Variants in ZNF33A observed in about 807,000 individuals in gnomAD.
ZNF33A encodes the protein brain my041 protein.
ZNF33A carries 9 observed loss-of-function variants against 15.9 expected under a neutral mutation model. The observed-to-expected ratio is 0.57, with a 90% CI of 0.34 to 0.99. ZNF33A has a LOEUF of 0.99. Among genes scored for constraint, ZNF33A ranks in the 50% least tolerant of loss-of-function variants. The pLI is 0.02. For synonymous variants in ZNF33A, 294 were observed against 324.2 expected (o/e 0.91, Z 1.00); for missense variants, 843 against 941.6 (o/e 0.90, Z 1.37).
chr10:38,020,043 A>G (rs1189415759), intron 4 of ZNF33A, among the ~76,000 whole-genome samples: 4 of 152,206 alleles, frequency 2.6e-5, no homozygotes, highest in African/African-American at 7.2e-5. Flanking sequence ...TGAGAATACT[A>G]TAAAATGTGA....
intron 2 of ZNF33A, among the ~76,000 whole-genome samples, chr10:38,013,170 G>C (rs765990496): frequency 1.4e-5 from 2 of 146,786 alleles, no homozygotes; most frequent in Non-Finnish European, 3.0e-5. Context: ...GAGTACAGTG[G>C]CGCGATCTTG....
upstream of ZNF33A, chr10:38,010,627 G>A (rs1564825478): frequency 2.2e-6 from 3 of 1,352,558 alleles, no homozygotes; most frequent in African/African-American, 1.4e-5. Context: ...ACAGCATCAA[G>A]CTGTGCGCGT....
intron 4 of ZNF33A, chr10:38,017,686 T>C (rs1251786009): frequency 1.3e-5 from 3 of 224,504 alleles, no homozygotes; most frequent in Admixed American, 5.2e-5. Context: ...CCAAGCACTT[T>C]CAGTGTCCTA....
chr10:38,017,149 A>G (rs1304024366), intron 3 of ZNF33A, 134 bp downstream of exon 3: 1 of 1,424,134 alleles, frequency 7.0e-7, no homozygotes, highest in African/African-American at 1.4e-5. Context: ...ATCACCTCTG[A>G]GTACCAGAAG....
intron 4 of ZNF33A, among the ~76,000 whole-genome samples, chr10:38,038,117 T>C (rs2065533644): frequency 6.6e-6 from 1 of 152,198 alleles, no homozygotes; most frequent in Admixed American, 6.5e-5. Flanking sequence ...GATGCTATTG[T>C]ATATGGAATT....
At chr10:38,052,357 C>T (rs1488440113) in intron 4 of ZNF33A, among the ~76,000 whole-genome samples, 1 of 151,942 alleles carries the variant, frequency 6.6e-6, no homozygotes, top group Non-Finnish European at 1.5e-5. Flanking sequence ...TTTAAAAGTT[C>T]CATTTGCAAT....
chr10:38,047,350 C>A (rs571298064), intron 4 of ZNF33A, among the ~76,000 whole-genome samples: 7 of 151,752 alleles, frequency 4.6e-5, no homozygotes, highest in African/African-American at 1.5e-4. Flanking sequence ...AGCCCTTGGG[C>A]TGGGTGTGGT....
chr10:38,041,649 C>T (rs796999690), intron 4 of ZNF33A, among the ~76,000 whole-genome samples: 4 of 152,214 alleles, frequency 2.6e-5, no homozygotes, highest in South Asian at 4.1e-4. Flanking sequence ...ACATGCTCAA[C>T]ATGCTAGAAG....
downstream of ZNF33A, chr10:38,064,353 G>A (rs1363405819): frequency 6.3e-6 from 3 of 474,654 alleles, no homozygotes; most frequent in African/African-American, 4.0e-5. Context: ...GGCACTGCTG[G>A]GGACTCACCT....
downstream of ZNF33A, among the ~76,000 whole-genome samples, chr10:38,065,543 A>G (rs1195693367): frequency 1.3e-5 from 2 of 152,240 alleles, no homozygotes; most frequent in African/African-American, 2.4e-5. Context: ...CGATCAGGAA[A>G]GAAAGCTTAA....
rs554825700 is a variant in ZNF33A, at chr10:38,042,259, A to G, written c.251-12116A>G. 2.0e-5 allele frequency among the ~76,000 whole-genome samples: 3 copies of G among 151,114 alleles called. 1 individual carries two copies. The Middle Eastern group carries it at 0.01, about 518-fold the overall frequency. On this transcript the variant is annotated intron_variant, in intron 4 of 4. Coordinates refer to ENST00000432900, the MANE Select transcript of ZNF33A (RefSeq NM_006954.2). ...GAGTGCAGTGGCACCATCTGGGCTC[A>G]CTGTAACCTCCTGCCTCCTGGGTTC... is the stretch of plus-strand genomic sequence containing the variant.
intron 2 of ZNF33A, among the ~76,000 whole-genome samples, chr10:38,015,076 T>C (rs2064386132): frequency 6.6e-6 from 1 of 152,040 alleles, no homozygotes; most frequent in Admixed American, 6.5e-5. Context: ...GGTTTTGCCA[T>C]GTTGGCCAGG....
intron 4 of ZNF33A, among the ~76,000 whole-genome samples, chr10:38,043,623 TGTG>T (rs2065814279): frequency 6.6e-6 from 1 of 152,032 alleles, no homozygotes; most frequent in Admixed American, 6.6e-5. Context: ...CCACCAGTAT[TGTG>T]GTGAAGATCA....
chr10:38,039,398 G>GTTTTTTTTTTT, intron 4 of ZNF33A: 2 of 391,786 alleles, frequency 5.1e-6, no homozygotes, highest in African/African-American at 2.1e-5. Context: ...AATTTTTTGT[G>GTTTTTTTTTTT]TTTTTTTTTT....
intron 4 of ZNF33A, among the ~76,000 whole-genome samples, chr10:38,041,039 G>C (rs567030713): frequency 6.6e-6 from 1 of 152,214 alleles, no homozygotes; most frequent in Admixed American, 6.5e-5. Flanking sequence ...TTTTACCTCT[G>C]CCATTTTTGT....
At chr10:38,014,057 T>TTG (rs2064331124) in intron 2 of ZNF33A, among the ~76,000 whole-genome samples, 1 of 130,784 alleles carries the variant, frequency 7.6e-6, no homozygotes, top group Non-Finnish European at 1.6e-5. Flanking sequence ...TTTTTTTTTT[T>TTG]TTTTTTGGAG....
intron 4 of ZNF33A, among the ~76,000 whole-genome samples, chr10:38,023,992 C>G (rs1303574861): frequency 6.6e-6 from 1 of 151,722 alleles, no homozygotes; most frequent in Non-Finnish European, 1.5e-5. Flanking sequence ...AACCCCATCT[C>G]TACTAAAAAT....
chr10:38,055,940 G>T lies in ZNF33A; in HGVS notation c.1816G>T (p.Glu606Ter). 6.2e-7 allele frequency: 1 copy of T among 1,613,872 alleles called. No homozygotes were observed. Among genetic ancestry groups the T allele is most frequent in the South Asian group, 1.1e-5 (1 of 91,072 alleles). Residue 606 changes from glutamate (E) to a stop codon, truncating the protein, a stop_gained, in exon 5 of 5, where the codon GAG becomes TAG. Coordinates refer to ENST00000432900, the MANE Select transcript of ZNF33A (RefSeq NM_006954.2). LOFTEE classifies it low-confidence loss of function (END_TRUNC). Reference sequence around the variant, plus strand: ...TAAACATAATAGAACACATACAGGGGAGAAACCCTATGAATGTAATGAATG... The same window carrying T: ...TAAACATAATAGAACACATACAGGGTAGAAACCCTATGAATGTAATGAATG... ...LTKHNRTHTG[E>*]KPYECNECGK...
chr10:38,011,716 C>G (rs2064196184), intron 1 of ZNF33A, among the ~76,000 whole-genome samples: 1 of 152,154 alleles, frequency 6.6e-6, no homozygotes. Flanking sequence ...CATCTCCTGA[C>G]CCCTAAGCCA....
Sources: allele counts gnomAD v4.1 joint callset (sites outside exome capture counted in the v4.1 genomes callset), GRCh38; gene constraint gnomAD v4.1.1; transcripts MANE v1.5; gene names NCBI Gene and HGNC (gene_info 2026-07-23, HGNC 2026-07-21).